MRPL3: variants seen among roughly 807,000 people sequenced by gnomAD.
The protein encoded by MRPL3 is large ribosomal subunit protein uL3m.
A neutral mutation model predicts 44.3 loss-of-function variants in MRPL3; 43 were observed. That is an observed-to-expected ratio of 0.97 (90% CI 0.76 to 1.25). The LOEUF (loss-of-function observed/expected upper bound fraction) is 1.25, where lower values mean the gene tolerates loss of function less well. MRPL3 is among the 50% of genes most tolerant of loss of function. MRPL3 has a pLI of 0.00. For synonymous variants in MRPL3, 171 were observed against 152.3 expected, an observed-to-expected ratio of 1.12 and a Z score of -0.91; for missense variants, 406 against 427.6, an observed-to-expected ratio of 0.95 and a Z score of 0.45.
At chr3:131,483,633 T>C (rs1559823459) in intron 6 of MRPL3, among the ~76,000 whole-genome samples, 1 of 138,796 alleles carries the variant, frequency 7.2e-6, no homozygotes. Context: ...TGTAAGCAAG[T>C]TTCCTAACAA....
chr3:131,493,028 A>G (rs1934292392), intron 4 of MRPL3, among the ~76,000 whole-genome samples: 1 of 152,196 alleles, frequency 6.6e-6, no homozygotes, highest in East Asian at 1.9e-4. Context: ...CTCTTTCATC[A>G]CAATATAACA....
Position 131,471,353 on chromosome 3 carries a change from C to T in MRPL3, c.630-74G>A, listed in dbSNP as rs1933738490. The T allele has an allele frequency of 4.2e-6, 4 of 960,012 alleles. No homozygotes were observed. The Admixed American group carries it at 7.3e-5, about 18-fold the overall frequency. The allele number at this position is 960,012 out of a possible 1,614,324, so 59.5% of individuals were successfully genotyped here. A position where few individuals can be genotyped will look rare whatever the true frequency, so the allele number is the denominator to read the frequency against. ...ATTCCCAATTGTACACTTTCTAGTACCAACTGTACACATTCTTGTTAGAGT... is the reference window on the plus strand; with the variant it reads ...ATTCCCAATTGTACACTTTCTAGTATCAACTGTACACATTCTTGTTAGAGT... On this transcript the variant is annotated intron_variant, in intron 6 of 9. Coordinates refer to ENST00000264995, the MANE Select transcript of MRPL3 (RefSeq NM_007208.4).
At chr3:131,482,983 CTTCTT>C (rs1456581420) in intron 6 of MRPL3, among the ~76,000 whole-genome samples, 7 of 115,716 alleles carry the variant, frequency 6.0e-5, no homozygotes, top group Non-Finnish European at 7.7e-5. Context: ...TTGTTTCATT[CTTCTT>C]TTTTTTTTTT....
chr3:131,485,452 T>A (rs951933356), intron 6 of MRPL3, among the ~76,000 whole-genome samples: 4 of 152,230 alleles, frequency 2.6e-5, no homozygotes, highest in African/African-American at 9.6e-5. Context: ...TATGTGGCAT[T>A]TTATATGCAA....
At chr3:131,479,183 T>TC (rs1559820010) in intron 6 of MRPL3, 1 of 518,918 alleles carries the variant, frequency 1.9e-6, no homozygotes, top group Non-Finnish European at 3.8e-6. Flanking sequence ...GCATACACTG[T>TC]CCCCCCTGCC....
Position 131,498,234 on chromosome 3 carries a change from C to T in MRPL3, c.413G>A (p.Cys138Tyr). ...AGACAGGGTTGCCATTTTTCCATTA[C>T]AGTTTTCCTTTGACGTATATTTTAA... is the stretch of plus-strand genomic sequence containing the variant. ...HVLKYTSKEN[C>Y]NGKMATLSVG... The change falls in exon 4 of 10, where the codon TGT (cysteine) becomes TAT (tyrosine). Residue 138 changes from cysteine (C) to tyrosine (Y), a missense_variant. Coordinates refer to ENST00000264995, the MANE Select transcript of MRPL3 (RefSeq NM_007208.4). 6.2e-7 allele frequency: 1 copy of T among 1,612,700 alleles called. No homozygotes were observed. The highest frequency in any genetic ancestry group is 1.1e-5 in the South Asian group (1 of 91,052).
At chr3:131,476,661 TTTTA>T (rs1404934812) in intron 6 of MRPL3, among the ~76,000 whole-genome samples, 2 of 152,212 alleles carry the variant, frequency 1.3e-5, no homozygotes, top group African/African-American at 4.8e-5. Flanking sequence ...AAAAGATGTA[TTTTA>T]TTTAGAGTAT....
intron 6 of MRPL3, among the ~76,000 whole-genome samples, chr3:131,486,393 CA>C (rs1314965958): frequency 3.4e-5 from 3 of 88,910 alleles, no homozygotes; most frequent in Non-Finnish European, 6.9e-5. Context: ...AAAAAAAAAC[CA>C]AAAAAAACTA....
At chr3:131,469,037 T>C (rs796471524) in intron 8 of MRPL3, among the ~76,000 whole-genome samples, 12 of 152,270 alleles carry the variant, frequency 7.9e-5, no homozygotes, top group African/African-American at 2.9e-4. Flanking sequence ...AATATAATTA[T>C]ACAGCATCCA....
chr3:131,500,313 ACC>A (rs1175055284), intron 3 of MRPL3, 115 bp downstream of exon 3: 7 of 759,804 alleles, frequency 9.2e-6, no homozygotes, highest in Non-Finnish European at 1.3e-5. Flanking sequence ...GTTCAACATC[ACC>A]CCTTTCTTCA....
At chr3:131,473,409 G>C (rs756715027) in intron 6 of MRPL3, among the ~76,000 whole-genome samples, 1 of 151,210 alleles carries the variant, frequency 6.6e-6, no homozygotes, top group Non-Finnish European at 1.5e-5. Context: ...AATTCAAAAT[G>C]GATTAAAGAC....
rs56075290 is a variant in MRPL3 at position 131,474,786 on chromosome 3, T to A, written c.630-3507A>T. ...TTTAATTTTTTTTTTTTTTTTTTTT[T>A]AAAGAGACAGGGTCTTACTCTGCCA... On this transcript the variant is annotated intron_variant, in intron 6 of 9. Transcript: ENST00000264995. Among the ~76,000 whole-genome samples, 1,066 of 125,798 alleles carry A rather than the reference T, an allele frequency of 8.5e-3. 7 individuals are homozygous for A. Among genetic ancestry groups the A allele is most frequent in the Non-Finnish European group, 0.014 (792 of 55,036 alleles). 82.5% of individuals were successfully genotyped at this position (125,798 alleles called of 152,430 possible).
At chr3:131,492,564 C>T (rs1203347245) in intron 4 of MRPL3, among the ~76,000 whole-genome samples, 2 of 152,124 alleles carry the variant, frequency 1.3e-5, no homozygotes, top group Admixed American at 1.3e-4. Context: ...GAATCTAACG[C>T]TGCCACTGAT....
chr3:131,501,837 T>C lies in MRPL3; in HGVS notation c.93-122A>G, dbSNP rs780471472. 3.2e-6 allele frequency: 5 copies of C among 1,576,150 alleles called. No homozygotes were observed. In the Admixed American group the frequency reaches 5.5e-5, roughly 17 times the overall value. ...GGGCCTTGGGAAAGGGCTTGGATTC[T>C]GTATACCTTTTTTTCAGGTCTCCAA... On this transcript the variant is annotated intron_variant, in intron 1 of 9. Coordinates refer to ENST00000264995, the MANE Select transcript of MRPL3 (RefSeq NM_007208.4).
chr3:131,502,489 G>T (rs1379401296), intron 1 of MRPL3, among the ~76,000 whole-genome samples: 2 of 152,230 alleles, frequency 1.3e-5, no homozygotes, highest in South Asian at 2.1e-4. Context: ...CTCACTAATT[G>T]TAAGATATGA....
rs115136205 is a variant in MRPL3, at chr3:131,498,761, G to A, written c.370-484C>T. On this transcript the variant is annotated intron_variant, in intron 3 of 9. Coordinates refer to ENST00000264995, the MANE Select transcript of MRPL3 (RefSeq NM_007208.4). ...CAGAAAAGAACATATACAACAAAAT[G>A]AGTATAAACAAAATATACATGTAAC... is the stretch of plus-strand genomic sequence containing the variant. 6.0e-3 allele frequency among the ~76,000 whole-genome samples: 888 copies of A among 147,232 alleles called. 13 individuals are homozygous for A. Among genetic ancestry groups the A allele is most frequent in the African/African-American group, 0.021 (829 of 40,032 alleles).
At chr3:131,480,746 A>T (rs542362172) in intron 6 of MRPL3, among the ~76,000 whole-genome samples, 1 of 152,382 alleles carries the variant, frequency 6.6e-6, no homozygotes, top group South Asian at 2.1e-4. Flanking sequence ...GAAGGTCTTC[A>T]GCCACATAAT....
At chr3:131,480,825 G>C (rs1933967213) in intron 6 of MRPL3, among the ~76,000 whole-genome samples, 1 of 152,170 alleles carries the variant, frequency 6.6e-6, no homozygotes. Context: ...TATTTCTTTA[G>C]TATAGATAAG....
intron 6 of MRPL3, among the ~76,000 whole-genome samples, chr3:131,477,130 T>C (rs1365355795): frequency 6.6e-6 from 1 of 152,218 alleles, no homozygotes; most frequent in Non-Finnish European, 1.5e-5. Context: ...TATAAATCCA[T>C]CATGTATTTC....
Sources: allele counts gnomAD v4.1 joint callset (sites outside exome capture counted in the v4.1 genomes callset), GRCh38; gene constraint gnomAD v4.1.1; transcripts MANE v1.5; gene names NCBI Gene and HGNC (gene_info 2026-07-23, HGNC 2026-07-21).